The following ANKRD31 variants were observed in gnomAD, a reference collection of about 807,000 sequenced individuals.
The protein encoded by ANKRD31 is ankyrin repeat domain 31.
A neutral mutation model predicts 186.0 loss-of-function variants in ANKRD31; 147 were observed. That is an observed-to-expected ratio of 0.79 (90% CI 0.69 to 0.91). The LOEUF is 0.91. ANKRD31 is among the 40% of genes least tolerant of loss of function. The pLI is 0.00. For synonymous variants in ANKRD31, 673 were observed against 736.4 expected, an observed-to-expected ratio of 0.91 and a Z score of 1.39; for missense variants, 1,986 against 2,148.8, an observed-to-expected ratio of 0.92 and a Z score of 1.50.
Position 75,199,535 on chromosome 5 carries a change from T to G in ANKRD31, c.447+96A>C, listed in dbSNP as rs1451439368. ...ACCGAAATGGTTTAGTAGATGAGGG[T>G]GAGGGTCTAAATGAGCTTGATACTT... is the stretch of plus-strand genomic sequence containing the variant. On this transcript the variant is annotated intron_variant, in intron 6 of 25. Transcript: ENST00000506364. 6.7e-6 allele frequency: 6 copies of G among 900,190 alleles called. No individual in the cohort carries two copies. The East Asian group carries it at 1.9e-4, about 28-fold the overall frequency. 55.8% of individuals were successfully genotyped at this position (900,190 alleles called of 1,614,324 possible). A position where few individuals can be genotyped will look rare whatever the true frequency, so the allele number is the denominator to read the frequency against.
At chr5:75,205,412 G>T (rs932318248) in intron 5 of ANKRD31, among the ~76,000 whole-genome samples, 1 of 152,104 alleles carries the variant, frequency 6.6e-6, no homozygotes, top group Non-Finnish European at 1.5e-5. Flanking sequence ...ATCCTTGAAA[G>T]CATCCTTGCT....
At chr5:75,068,789 A>G in intron 25 of ANKRD31, 125 bp from the exon 26 acceptor site, 2 of 979,524 alleles carry the variant, frequency 2.0e-6, no homozygotes, top group Non-Finnish European at 2.8e-6. Flanking sequence ...TTTTCTGATC[A>G]GGACCTTTTC....
Position 75,114,995 on chromosome 5 carries a change from T to C in ANKRD31, c.4155+1571A>G, listed in dbSNP as rs576147423. On this transcript the variant is annotated intron_variant, in intron 19 of 25. Coordinates refer to ENST00000506364, the MANE Select transcript of ANKRD31 (RefSeq NM_001372053.1). ...ACAAAACTGGAGGCATCACACTACC[T>C]GACTTCAAACTATACTACAAGGCTA... 1.6e-3 allele frequency among the ~76,000 whole-genome samples: 247 copies of C among 152,262 alleles called. 3 individuals carry two copies. The highest frequency in any genetic ancestry group is 0.01 in the Middle Eastern group (3 of 294).
intron 11 of ANKRD31, among the ~76,000 whole-genome samples, chr5:75,154,943 A>G (rs1449495281): frequency 6.6e-6 from 1 of 152,028 alleles, no homozygotes; most frequent in East Asian, 1.9e-4. Context: ...CTCACCATCC[A>G]CTGCTGCCCA....
intron 15 of ANKRD31, among the ~76,000 whole-genome samples, chr5:75,142,052 T>G (rs1353949927): frequency 6.6e-6 from 1 of 152,160 alleles, no homozygotes; most frequent in Non-Finnish European, 1.5e-5. Context: ...AAAACTCCAC[T>G]GTAGTTTGGA....
Position 75,118,103 on chromosome 5 carries a change from A to G in ANKRD31, c.4039+32T>C, listed in dbSNP as rs950388193. On this transcript the variant is annotated intron_variant, in intron 18 of 25. Transcript: ENST00000506364. Reference sequence around the variant, plus strand: ...TTTTCCTAAGCAGAGATATATCTCTATATAAAATAGCAGCAATATTGATAT... The same window carrying G: ...TTTTCCTAAGCAGAGATATATCTCTGTATAAAATAGCAGCAATATTGATAT... 8 of 1,347,976 alleles carry G rather than the reference A, an allele frequency of 5.9e-6. No individual in the cohort carries two copies. The South Asian group carries it at 1.0e-4, about 17-fold the overall frequency. 83.5% of individuals were successfully genotyped at this position (1,347,976 alleles called of 1,614,324 possible).
intron 3 of ANKRD31, among the ~76,000 whole-genome samples, chr5:75,219,533 C>T (rs1171188837): frequency 6.6e-6 from 1 of 152,110 alleles, no homozygotes; most frequent in Non-Finnish European, 1.5e-5. Context: ...AATAGAAGAA[C>T]ATTCCATACT....
At chr5:75,123,830 C>G (rs1748987100) in intron 17 of ANKRD31, among the ~76,000 whole-genome samples, 1 of 151,990 alleles carries the variant, frequency 6.6e-6, no homozygotes, top group Non-Finnish European at 1.5e-5. Context: ...TATAAAAATT[C>G]TATAAGAAAA....
At chr5:75,192,506 G>A (rs981588636) in intron 9 of ANKRD31, among the ~76,000 whole-genome samples, 161 bp downstream of exon 9, 3 of 152,144 alleles carry the variant, frequency 2.0e-5, no homozygotes, top group African/African-American at 7.2e-5. Context: ...TCTCAATTAT[G>A]CTAATAATGA....
intron 25 of ANKRD31, among the ~76,000 whole-genome samples, chr5:75,077,972 G>GGTCTAAT (rs1744796202): frequency 6.6e-6 from 1 of 150,518 alleles, no homozygotes; most frequent in Admixed American, 6.6e-5. Context: ...GTTCTTAAGT[G>GGTCTAAT]GTCTAATGTA....
intron 4 of ANKRD31, among the ~76,000 whole-genome samples, chr5:75,208,207 T>C (rs547600683): frequency 1.6e-4 from 24 of 152,298 alleles, no homozygotes; most frequent in African/African-American, 5.5e-4. Context: ...ATTTGAAGTA[T>C]ATAACAAAAA....
At chr5:75,176,081 A>T (rs1257124716) in intron 10 of ANKRD31, among the ~76,000 whole-genome samples, 1 of 152,124 alleles carries the variant, frequency 6.6e-6, no homozygotes, top group Non-Finnish European at 1.5e-5. Flanking sequence ...ACACCAGGAG[A>T]TTATATCCCG....
chr5:75,145,939 A>C, intron 14 of ANKRD31, 48 bp downstream of exon 14: 5 of 1,330,514 alleles, frequency 3.8e-6, no homozygotes, highest in Non-Finnish European at 4.9e-6. Flanking sequence ...CTATAAAAAT[A>C]AGTAAATCTA....
chr5:75,233,437 C>T (rs1758072320), intron 1 of ANKRD31, among the ~76,000 whole-genome samples: 1 of 152,066 alleles, frequency 6.6e-6, no homozygotes, highest in African/African-American at 2.4e-5. Flanking sequence ...TTTAAATTTA[C>T]ATAAGTTTTA....
intron 22 of ANKRD31, among the ~76,000 whole-genome samples, chr5:75,100,939 G>T (rs1746808932): frequency 6.6e-6 from 1 of 152,094 alleles, no homozygotes; most frequent in South Asian, 2.1e-4. Context: ...GGTTAATATT[G>T]TTATGTATGA....
At chr5:75,191,200 T>C (rs1164038158) in intron 9 of ANKRD31, among the ~76,000 whole-genome samples, 1 of 152,154 alleles carries the variant, frequency 6.6e-6, no homozygotes, top group Non-Finnish European at 1.5e-5. Flanking sequence ...AGGAATGTTA[T>C]GGAAATCCAA....
At position 75,146,779 on chromosome 5, in the gene ANKRD31, G is replaced by A; in HGVS notation, c.2632C>T (p.Pro878Ser). 1 of 1,535,978 alleles carries A rather than the reference G, an allele frequency of 6.5e-7. No homozygotes were observed. The highest frequency in any genetic ancestry group is 8.7e-7 in the Non-Finnish European group (1 of 1,146,230). Residue 878 changes from proline (P) to serine (S), a missense_variant, in exon 14 of 26, where the codon CCA (proline) becomes TCA (serine). Physicochemically the swap from Pro to Ser is moderately conservative, Grantham distance 74 (BLOSUM62 -1). Transcript: ENST00000506364. Reference sequence around the variant, plus strand: ...CATTTGTTAAATCTCTCATCTTTTGGGACCAAGTTACTGTTTTCATGAGAT... The same window carrying A: ...CATTTGTTAAATCTCTCATCTTTTGAGACCAAGTTACTGTTTTCATGAGAT... ...YKSHENSNLV[P>S]KDERFNKWEN...
chr5:75,206,066 C>T (rs1413209244), intron 5 of ANKRD31, among the ~76,000 whole-genome samples: 1 of 150,906 alleles, frequency 6.6e-6, no homozygotes, highest in Non-Finnish European at 1.5e-5. Context: ...TCAATAGCAA[C>T]ACTGATTTCA....
intron 1 of ANKRD31, 138 bp from the exon 2 acceptor site, chr5:75,230,773 G>C: frequency 1.8e-6 from 1 of 562,190 alleles, no homozygotes; most frequent in Non-Finnish European, 3.0e-6. Context: ...ATTTCAAAGT[G>C]TTATTCAGAA....
Sources: allele counts gnomAD v4.1 joint callset (sites outside exome capture counted in the v4.1 genomes callset), GRCh38; gene constraint gnomAD v4.1.1; transcripts MANE v1.5; gene names NCBI Gene and HGNC (gene_info 2026-07-23, HGNC 2026-07-21).